The following KALRN variants were observed in gnomAD, a reference collection of about 807,000 sequenced individuals.
KALRN encodes the protein kalirin.
In KALRN, 70 loss-of-function variants were observed where a neutral mutation model predicts 353.7. The ratio of observed to expected loss-of-function variants is 0.20; its 90% confidence interval spans 0.16 to 0.24. The LOEUF is 0.24. Ranked by LOEUF, KALRN falls within the 10% of genes least tolerant of loss-of-function variation. The probability of loss-of-function intolerance (pLI) is 1.00; values close to 1 mark genes in which losing one functional copy is unlikely to be tolerated. For missense variants in KALRN, 2,791 were observed against 3,756.7 expected (o/e 0.74, Z 6.72); for synonymous variants, 1,391 against 1,434.8 (o/e 0.97, Z 0.69).
intron 1 of KALRN, among the ~76,000 whole-genome samples, chr3:124,176,959 G>T (rs575163061): frequency 6.6e-6 from 1 of 152,154 alleles, no homozygotes; most frequent in Non-Finnish European, 1.5e-5. Context: ...TTGATTTCCT[G>T]TCAGACTCCC....
chr3:124,653,512 GA>G (rs1376795928), intron 38 of KALRN, among the ~76,000 whole-genome samples: 2 of 150,442 alleles, frequency 1.3e-5, no homozygotes, highest in East Asian at 1.9e-4. Flanking sequence ...ACAAGAAAAA[GA>G]AAAAAAAATA....
intron 21 of KALRN, 63 bp from the exon 22 acceptor site, chr3:124,455,114 T>G: frequency 6.4e-7 from 1 of 1,566,382 alleles, no homozygotes; most frequent in Non-Finnish European, 8.7e-7. Flanking sequence ...GAAGAGAGGA[T>G]TTGGGGTGAA....
rs1367245890 is a variant in KALRN at position 124,697,729 on chromosome 3, A to G, written c.7831+5A>G. The G allele has an allele frequency of 2.6e-6, 4 of 1,548,848 alleles. No individual in the cohort carries two copies. Among genetic ancestry groups the G allele is most frequent in the African/African-American group, 1.4e-5 (1 of 72,240 alleles). ...CTGTGGAGTACAGAGAGGAAGGTGC[A>G]CTATCTCCTGCTCTTCTTTTTCTTT... On this transcript the variant is annotated splice_donor_5th_base_variant and intron_variant, in intron 55 of 59. Coordinates refer to ENST00000682506, the MANE Select transcript of KALRN (RefSeq NM_001388419.1).
At chr3:124,201,109 T>G (rs2075900566) in intron 1 of KALRN, among the ~76,000 whole-genome samples, 1 of 152,216 alleles carries the variant, frequency 6.6e-6, no homozygotes, top group South Asian at 2.1e-4. Context: ...AATGGGGATA[T>G]GATGCCAGGA....
chr3:124,233,609 T>G (rs1057400355), intron 2 of KALRN, among the ~76,000 whole-genome samples: 3 of 152,202 alleles, frequency 2.0e-5, no homozygotes, highest in African/African-American at 7.2e-5. Flanking sequence ...TGGATTGATT[T>G]TTTTGTCAAG....
chr3:124,518,865 T>G, intron 33 of KALRN: 1 of 1,035,142 alleles, frequency 9.7e-7, no homozygotes, highest in Non-Finnish European at 1.2e-6. Context: ...CACTTATCTC[T>G]GAAGTTTTTC....
intron 1 of KALRN, among the ~76,000 whole-genome samples, chr3:124,182,768 A>G (rs1351490170): frequency 6.6e-6 from 1 of 152,144 alleles, no homozygotes; most frequent in Non-Finnish European, 1.5e-5. Flanking sequence ...TGCCTCTTTA[A>G]CCATCTCACT....
At chr3:124,519,851 G>A (rs1362609409) in intron 33 of KALRN, 1 of 985,250 alleles carries the variant, frequency 1.0e-6, no homozygotes, top group Non-Finnish European at 1.2e-6. Flanking sequence ...TTCTAAAGCA[G>A]GCTGTTGATA....
intron 10 of KALRN, among the ~76,000 whole-genome samples, chr3:124,353,623 C>G (rs544090335): frequency 9.8e-4 from 149 of 152,166 alleles, no homozygotes; most frequent in Middle Eastern, 3.4e-3. Context: ...TAAGTTCCTT[C>G]TTTCTCTTCT....
At chr3:124,355,733 T>TTTTTTTTA in intron 10 of KALRN, among the ~76,000 whole-genome samples, 1 of 106,166 alleles carries the variant, frequency 9.4e-6, no homozygotes, top group Non-Finnish European at 2.0e-5. Flanking sequence ...TTTTTTTTTT[T>TTTTTTTTA]GAGACAGAGT....
chr3:124,294,039 A>G (rs1479480488), intron 5 of KALRN, among the ~76,000 whole-genome samples: 2 of 152,012 alleles, frequency 1.3e-5, no homozygotes, highest in Non-Finnish European at 2.9e-5. Flanking sequence ...GCAGTGGAGG[A>G]AGAGGAGAAG....
At chr3:124,194,209 T>C (rs2075214558) in intron 1 of KALRN, among the ~76,000 whole-genome samples, 2 of 152,098 alleles carry the variant, frequency 1.3e-5, no homozygotes, top group African/African-American at 2.4e-5. Flanking sequence ...ACAATGAGTA[T>C]AATAAAAGAG....
rs146466859 is a variant in KALRN at position 124,261,030 on chromosome 3, C to T, written c.264-3468C>T. Among the ~76,000 whole-genome samples, 480 of 150,254 alleles carry T rather than the reference C, an allele frequency of 3.2e-3. 6 individuals are homozygous for T. Among genetic ancestry groups the T allele is most frequent in the African/African-American group, 0.011 (461 of 40,834 alleles). ...GGTGGGTTATAGTATGATATAGTAA[C>T]CTGAGCTTGGGTTTTCTTTTTTTTT... On this transcript the variant is annotated intron_variant, in intron 3 of 59. Transcript: ENST00000682506.
chr3:124,045,006 T>C (rs2040346282), intron 1 of KALRN, among the ~76,000 whole-genome samples: 1 of 151,974 alleles, frequency 6.6e-6, no homozygotes, highest in Non-Finnish European at 1.5e-5. Flanking sequence ...TTCCAAGGCA[T>C]GACAGGCGGG....
At chr3:124,256,291 C>T (rs1355039643) in intron 3 of KALRN, among the ~76,000 whole-genome samples, 2 of 152,298 alleles carry the variant, frequency 1.3e-5, no homozygotes, top group South Asian at 4.1e-4. Context: ...TCCAGAGAGA[C>T]CTGTGGCTTG....
In KALRN at chr3:124,385,094, T is replaced by C. The variant is rs57505348; in HGVS notation, c.1962+58T>C. On this transcript the variant is annotated intron_variant, in intron 11 of 59. Coordinates refer to ENST00000682506, the MANE Select transcript of KALRN (RefSeq NM_001388419.1). ...TCCTGCCAGGGTCAGGTCGGCTTCC[T>C]AGTAAAATGGCCCTGAAGGTCTGAC... 2,311 of 1,464,770 alleles carry C rather than the reference T, an allele frequency of 1.6e-3. 35 individuals are homozygous for C. In the East Asian group the frequency reaches 0.038, roughly 24 times the overall value. The allele number at this position is 1,464,770 out of a possible 1,614,324, so 90.7% of individuals were successfully genotyped here.
In KALRN at chr3:124,650,881, C is replaced by CCA; in HGVS notation, c.5742_5743dup (p.Pro1915HisfsTer15). The CCA allele has an allele frequency of 6.2e-7, 1 of 1,614,180 alleles. No homozygotes were observed. The highest frequency in any genetic ancestry group is 2.2e-5 in the East Asian group (1 of 44,882). On this transcript the variant is annotated frameshift_variant, in exon 38 of 60. Transcript: ENST00000682506. LOFTEE classifies it high-confidence loss of function. ...TGCCTGAATGAGGGGATGGCCCCAC[C>CCA]CACACCTCCTAAAAACCCAGAAGAA... is the stretch of plus-strand genomic sequence containing the variant.
chr3:124,100,872 C>T (rs2061806195), intron 1 of KALRN, among the ~76,000 whole-genome samples: 1 of 152,192 alleles, frequency 6.6e-6, no homozygotes, highest in Non-Finnish European at 1.5e-5. Flanking sequence ...GGGCTAAACA[C>T]TGGCATTTTA....
intron 1 of KALRN, among the ~76,000 whole-genome samples, chr3:124,137,706 T>C (rs1381558567): frequency 6.6e-6 from 1 of 152,068 alleles, no homozygotes; most frequent in East Asian, 1.9e-4. Context: ...TTTCCAGAAA[T>C]ACTGGAGGCT....
Sources: allele counts gnomAD v4.1 joint callset (sites outside exome capture counted in the v4.1 genomes callset), GRCh38; gene constraint gnomAD v4.1.1; transcripts MANE v1.5; gene names NCBI Gene and HGNC (gene_info 2026-07-23, HGNC 2026-07-21).